The following CACNA1C variants were observed in gnomAD, a reference collection of about 807,000 sequenced individuals.
CACNA1C encodes calcium voltage-gated channel subunit alpha1 C, also known as voltage-dependent L-type calcium channel subunit alpha-1C.
CACNA1C carries 30 observed loss-of-function variants against 229.0 expected under a neutral mutation model. That is an observed-to-expected ratio of 0.13 (90% CI 0.10 to 0.18). CACNA1C has a LOEUF of 0.18. Among genes scored for constraint, CACNA1C ranks in the 10% least tolerant of loss-of-function variants. The pLI is 1.00. For missense variants in CACNA1C, 1,658 were observed against 2,845.0 expected (o/e 0.58, Z 9.49); for synonymous variants, 1,114 against 1,132.5 (o/e 0.98, Z 0.33).
chr12:2,507,690 G>A (rs1169631370), intron 8 of CACNA1C, among the ~76,000 whole-genome samples: 3 of 152,248 alleles, frequency 2.0e-5, no homozygotes, highest in Non-Finnish European at 4.4e-5. Flanking sequence ...TAATGCTCAT[G>A]GCAACTCAGT....
chr12:2,255,613 T>C (rs2077170359), intron 3 of CACNA1C, among the ~76,000 whole-genome samples: 3 of 152,192 alleles, frequency 2.0e-5, no homozygotes, highest in Admixed American at 1.3e-4. Flanking sequence ...TGTGTGACAG[T>C]AAGCTGGTGG....
chr12:2,393,361 C>G (rs906670717), intron 3 of CACNA1C, among the ~76,000 whole-genome samples: 3 of 152,256 alleles, frequency 2.0e-5, no homozygotes, highest in South Asian at 2.1e-4. Flanking sequence ...ACCCTGCTGG[C>G]TGGCCCTCCA....
rs559921455 is a variant in CACNA1C at position 2,597,762 on chromosome 12, A to C, written c.2853+473A>C. Among the ~76,000 whole-genome samples, 1 of 152,278 alleles carries C rather than the reference A, an allele frequency of 6.6e-6. No homozygotes were observed. The highest frequency in any genetic ancestry group is 1.9e-4 in the East Asian group (1 of 5,164). On this transcript the variant is annotated intron_variant, in intron 21 of 46. Transcript: ENST00000399655. This position sits in a 1 kb window ranked among gnomAD's most constrained non-coding sequence, Gnocchi z 4.3. ...GAAGGGACACGTGTTGGCTGTGCCA[A>C]CATTAAGGCTGCCATTTCACTGGTT...
intron 30 of CACNA1C, among the ~76,000 whole-genome samples, chr12:2,637,950 C>T (rs1363670490): frequency 6.6e-6 from 1 of 152,194 alleles, no homozygotes; most frequent in Non-Finnish European, 1.5e-5. Context: ...CTCGTCTCAC[C>T]TTTTCTCTTT....
intron 3 of CACNA1C, among the ~76,000 whole-genome samples, chr12:2,129,513 AT>A (rs1402285418): frequency 6.6e-6 from 1 of 152,226 alleles, no homozygotes; most frequent in African/African-American, 2.4e-5. Context: ...AATCTTCCAA[AT>A]AAATTCACTG....
chr12:2,668,611 G>C, intron 37 of CACNA1C: 1 of 268,300 alleles, frequency 3.7e-6, no homozygotes, highest in Non-Finnish European at 7.2e-6. Flanking sequence ...AATCAATCAT[G>C]GTGGAAGGCA....
chr12:2,682,194 A>T (rs889934502), intron 42 of CACNA1C: 1 of 617,802 alleles, frequency 1.6e-6, no homozygotes, highest in Non-Finnish European at 2.9e-6. Context: ...AGTGGGGGGC[A>T]GCCTCTAAGT....
In CACNA1C at chr12:2,597,052, C is replaced by G. The variant is rs1238888727; in HGVS notation, c.2794-178C>G. Among the ~76,000 whole-genome samples the G allele has an allele frequency of 1.3e-5, 2 of 152,064 alleles. No homozygotes were observed. Among genetic ancestry groups the G allele is most frequent in the African/African-American group, 4.8e-5 (2 of 41,412 alleles). On this transcript the variant is annotated intron_variant, in intron 20 of 46. Coordinates refer to ENST00000399655, the MANE Select transcript of CACNA1C (RefSeq NM_000719.7). The surrounding 1 kb of genome is among the most constrained non-coding windows in gnomAD (Gnocchi z 4.3). The stretch of plus-strand genomic sequence containing the variant: ...TGAGGCTAGCCCCGCCTCAGGATGT[C>G]TGTGTGTGTGCCGCTTGCCCCCCAT...
intron 19 of CACNA1C, among the ~76,000 whole-genome samples, chr12:2,593,983 T>G (rs2066799897): frequency 6.6e-6 from 1 of 152,252 alleles, no homozygotes; most frequent in Non-Finnish European, 1.5e-5. Flanking sequence ...AAGATAGTTT[T>G]GCTGTGTACA....
chr12:2,549,502 C>G lies in CACNA1C; in HGVS notation c.1391-441C>G, dbSNP rs532448441. 2.5e-3 allele frequency among the ~76,000 whole-genome samples: 387 copies of G among 152,312 alleles called. 3 individuals carry two copies. Among genetic ancestry groups the G allele is most frequent in the African/African-American group, 8.9e-3 (368 of 41,572 alleles). Reference sequence around the variant, plus strand: ...TTCTACAAACAGGCTGGTCCCTGTTCTTGGAGATGGAGCCCCTTAGAGATG... The same window carrying G: ...TTCTACAAACAGGCTGGTCCCTGTTGTTGGAGATGGAGCCCCTTAGAGATG... On this transcript the variant is annotated intron_variant, in intron 9 of 46. Coordinates refer to ENST00000399655, the MANE Select transcript of CACNA1C (RefSeq NM_000719.7).
chr12:2,174,890 G>T, intron 3 of CACNA1C, among the ~76,000 whole-genome samples: 1 of 152,180 alleles, frequency 6.6e-6, no homozygotes, highest in East Asian at 1.9e-4. Flanking sequence ...TCATTAAGTG[G>T]AAGTGAACCA....
intron 32 of CACNA1C, among the ~76,000 whole-genome samples, chr12:2,652,834 G>A (rs1457443310): frequency 2.0e-5 from 3 of 152,236 alleles, no homozygotes; most frequent in Admixed American, 6.5e-5. Flanking sequence ...CAGGACTGCC[G>A]CTGACTCTGT....
chr12:2,607,262 C>G, intron 26 of CACNA1C, 132 bp downstream of exon 26: 1 of 840,970 alleles, frequency 1.2e-6, no homozygotes, highest in Non-Finnish European at 1.8e-6. Context: ...CCTCCCCAGG[C>G]AGTGAGGTGT....
intron 8 of CACNA1C, among the ~76,000 whole-genome samples, 174 bp downstream of exon 8, chr12:2,505,119 CTGG>C (rs2099768726): frequency 6.6e-6 from 1 of 152,094 alleles, no homozygotes; most frequent in African/African-American, 2.4e-5. Context: ...AGATGTGCCA[CTGG>C]TCTTGGTGGT....
chr12:2,383,142 G>A (rs530287753), intron 3 of CACNA1C, among the ~76,000 whole-genome samples: 1 of 152,348 alleles, frequency 6.6e-6, no homozygotes, highest in South Asian at 2.1e-4. Context: ...GTGCTGTGCT[G>A]TGTAGGTGTG....
intron 3 of CACNA1C, among the ~76,000 whole-genome samples, chr12:2,366,309 A>G (rs2097717423): frequency 6.6e-6 from 1 of 152,216 alleles, no homozygotes; most frequent in South Asian, 2.1e-4. Flanking sequence ...ACTCTTATCA[A>G]CTTTATTAGT....
chr12:2,606,063 C>G (rs2075187924), intron 24 of CACNA1C, among the ~76,000 whole-genome samples: 1 of 152,168 alleles, frequency 6.6e-6, no homozygotes, highest in African/African-American at 2.4e-5. Flanking sequence ...GAGGGACTTT[C>G]ATCCTGTGGA....
At chr12:2,344,948 C>T (rs1372005060) in intron 3 of CACNA1C, among the ~76,000 whole-genome samples, 1 of 151,172 alleles carries the variant, frequency 6.6e-6, no homozygotes, top group Non-Finnish European at 1.5e-5. Flanking sequence ...AAGAGACTAG[C>T]TTTGGGGTTT....
In CACNA1C at chr12:2,567,606, A is replaced by G. The variant is rs375534041; in HGVS notation, c.1707A>G (p.Ala569=). 190 of 1,604,998 alleles carry G rather than the reference A, an allele frequency of 1.2e-4. No homozygotes were observed. In the African/African-American group the frequency reaches 2.1e-3, roughly 17 times the overall value. ...ANKALLALFT[A]EMLLKMYSLG... ...AGGCCCTGCTGGCCCTGTTCACGGC[A>G]GAGATGCTCCTGAAGATGTACAGCC... The change falls in exon 13 of 47, where the codon GCA becomes GCG. Residue 569 remains alanine (A), a synonymous_variant. Transcript: ENST00000399655.
Sources: allele counts gnomAD v4.1 joint callset (sites outside exome capture counted in the v4.1 genomes callset), GRCh38; gene constraint gnomAD v4.1.1; non-coding constraint Gnocchi (gnomAD v3.1); transcripts MANE v1.5; gene names NCBI Gene and HGNC (gene_info 2026-07-23, HGNC 2026-07-21).